VPS35: variants seen among roughly 807,000 people sequenced by gnomAD.
VPS35 encodes vacuolar protein sorting-associated protein 35.
VPS35 carries 21 observed loss-of-function variants against 98.1 expected under a neutral mutation model. The observed-to-expected ratio is 0.21, with a 90% CI of 0.15 to 0.31. The LOEUF is 0.31. Among genes scored for constraint, VPS35 ranks in the 10% least tolerant of loss-of-function variants. VPS35 has a pLI of 1.00. For missense variants in VPS35, 554 were observed against 950.8 expected (o/e 0.58, Z 5.49); for synonymous variants, 268 against 318.2 (o/e 0.84, Z 1.68).
In VPS35 at chr16:46,661,218, G is replaced by A. The variant is rs529618823; in HGVS notation, c.2211+500C>T. Among the ~76,000 whole-genome samples the A allele has an allele frequency of 1.1e-4, 17 of 152,188 alleles. No individual in the cohort carries two copies. The highest frequency in any genetic ancestry group is 4.1e-4 in the South Asian group (2 of 4,826). On this transcript the variant is annotated intron_variant, in intron 16 of 16. Coordinates refer to ENST00000299138, the MANE Select transcript of VPS35 (RefSeq NM_018206.6). This position sits in a 1 kb window ranked among gnomAD's most constrained non-coding sequence, Gnocchi z 4.3. The stretch of plus-strand genomic sequence containing the variant: ...AACTGTATTGCTAAAAGGATACTGC[G>A]TTTAGGAATTATTATTATTATTATT...
intron 1 of VPS35, chr16:46,688,654 G>A (rs932091428): frequency 9.8e-7 from 1 of 1,024,682 alleles, no homozygotes; most frequent in Non-Finnish European, 1.2e-6. Flanking sequence ...GAATCACTGC[G>A]ACCCCTCCAG....
At chr16:46,672,547 G>C in intron 10 of VPS35, 75 bp from the exon 11 acceptor site, 1 of 1,378,504 alleles carries the variant, frequency 7.3e-7, no homozygotes, top group Non-Finnish European at 1.0e-6. Flanking sequence ...TGTTCCATAA[G>C]AATTTGAAAT....
chr16:46,675,413 TTCATTA>T (rs1471782924), intron 8 of VPS35, among the ~76,000 whole-genome samples: 1 of 152,192 alleles, frequency 6.6e-6, no homozygotes, highest in Non-Finnish European at 1.5e-5. Flanking sequence ...AATAGTATGT[TTCATTA>T]TCATTATCTG....
At chr16:46,666,075 T>C (rs1387727626) in intron 13 of VPS35, among the ~76,000 whole-genome samples, 1 of 150,002 alleles carries the variant, frequency 6.7e-6, no homozygotes, top group Non-Finnish European at 1.5e-5. Flanking sequence ...GGCTAATTTT[T>C]GTATTTTTAG....
At chr16:46,680,171 G>C (rs920135897) in intron 5 of VPS35, among the ~76,000 whole-genome samples, 3 of 152,164 alleles carry the variant, frequency 2.0e-5, no homozygotes, top group African/African-American at 7.2e-5. Flanking sequence ...TAACACAAGA[G>C]ACAGGAGTGT....
At chr16:46,666,262 T>C (rs1183426304) in intron 13 of VPS35, among the ~76,000 whole-genome samples, 1 of 151,010 alleles carries the variant, frequency 6.6e-6, no homozygotes, top group Non-Finnish European at 1.5e-5. Flanking sequence ...CCTGGCTAAT[T>C]TTTTAATTTT....
chr16:46,682,946 C>T (rs1466553147), intron 2 of VPS35: 1 of 157,412 alleles, frequency 6.4e-6, no homozygotes, highest in Admixed American at 6.1e-5. Flanking sequence ...AAAGTATCTA[C>T]ACAGATTATC....
At position 46,662,842 on chromosome 16, in the gene VPS35, C is replaced by CA. The variant is rs529936815; in HGVS notation, c.1827+140dup. ...CAGTCAATTACAACAATAATATTAA[C>CA]AGGTTCCATGATGGTGGGAAGGTGG... On this transcript the variant is annotated intron_variant, in intron 14 of 16. Coordinates refer to ENST00000299138, the MANE Select transcript of VPS35 (RefSeq NM_018206.6). 160 of 913,226 alleles carry CA rather than the reference C, an allele frequency of 1.8e-4. 1 individual carries two copies. In the East Asian group the frequency reaches 3.3e-3, roughly 19 times the overall value. 56.6% of individuals were successfully genotyped at this position (913,226 alleles called of 1,614,324 possible). A position where few individuals can be genotyped will look rare whatever the true frequency, so the allele number is the denominator to read the frequency against.
intron 12 of VPS35, 32 bp from the exon 13 acceptor site, chr16:46,669,084 T>C (rs746647920): frequency 1.2e-6 from 2 of 1,613,766 alleles, no homozygotes; most frequent in Non-Finnish European, 1.7e-6. Context: ...AAAAAAAATT[T>C]CCAAACTCTG....
At chr16:46,674,139 T>TA (rs1012026273) in intron 10 of VPS35, among the ~76,000 whole-genome samples, 175 bp downstream of exon 10, 3 of 152,000 alleles carry the variant, frequency 2.0e-5, no homozygotes, top group African/African-American at 4.8e-5. Flanking sequence ...TTCCTTAATA[T>TA]AAAAAAACAA....
chr16:46,669,080 A>C (rs1596714797), intron 12 of VPS35, 28 bp from the exon 13 acceptor site: 1 of 1,613,914 alleles, frequency 6.2e-7, no homozygotes, highest in South Asian at 1.1e-5. Context: ...AAGAAAAAAA[A>C]ATTTCCAAAC....
chr16:46,669,409 T>TAATCCCAGCACTTTGGGAGG (rs1374878948), intron 12 of VPS35, among the ~76,000 whole-genome samples: 2 of 152,206 alleles, frequency 1.3e-5, no homozygotes, highest in African/African-American at 4.8e-5. Flanking sequence ...CTCATGTCTG[T>TAATCCCAGCACTTTGGGAGG]AATCCCAGCA....
chr16:46,682,336 C>A, intron 2 of VPS35, 161 bp from the exon 3 acceptor site: 1 of 625,988 alleles, frequency 1.6e-6, no homozygotes, highest in Non-Finnish European at 2.9e-6. Context: ...GATCGGTTCA[C>A]CTTGCCGTCT....
chr16:46,671,453 TAA>T (rs1966067334), intron 12 of VPS35, among the ~76,000 whole-genome samples: 1 of 151,852 alleles, frequency 6.6e-6, no homozygotes, highest in Non-Finnish European at 1.5e-5. Context: ...ATATATAAAG[TAA>T]AAGCCCATGG....
intron 1 of VPS35, among the ~76,000 whole-genome samples, chr16:46,687,387 A>G (rs1966333127): frequency 6.6e-6 from 1 of 152,186 alleles, no homozygotes; most frequent in Non-Finnish European, 1.5e-5. Context: ...ACATATCCCC[A>G]AGAATCCTCT....
Position 46,662,551 on chromosome 16 carries a change from C to T in VPS35, c.1828-69G>A. On this transcript the variant is annotated intron_variant, in intron 14 of 16. Coordinates refer to ENST00000299138, the MANE Select transcript of VPS35 (RefSeq NM_018206.6). ...CTCTAGTTGAGCATTTTCCAAAGTA[C>T]TTGTCACCAAACCTCCATCCTGTGA... 1.9e-5 allele frequency: 31 copies of T among 1,601,264 alleles called. No individual in the cohort carries two copies. In the South Asian group the frequency reaches 2.3e-4, roughly 12 times the overall value.
chr16:46,681,979 T>A lies in VPS35; in HGVS notation c.199+100A>T, dbSNP rs1486145478. ...GCCATGTGACTCAGATAACGAAGAATAAGATAACTCCAGAAAAACTTCATA... is the reference window on the plus strand; with the variant it reads ...GCCATGTGACTCAGATAACGAAGAAAAAGATAACTCCAGAAAAACTTCATA... On this transcript the variant is annotated intron_variant, in intron 3 of 16. Coordinates refer to ENST00000299138, the MANE Select transcript of VPS35 (RefSeq NM_018206.6). 1.0e-5 allele frequency: 9 copies of A among 878,008 alleles called. No homozygotes were observed. In the East Asian group the frequency reaches 2.3e-4, roughly 22 times the overall value. 54.4% of individuals were successfully genotyped at this position (878,008 alleles called of 1,614,324 possible).
chr16:46,665,563 C>G (rs1965975403), intron 13 of VPS35, among the ~76,000 whole-genome samples: 1 of 147,826 alleles, frequency 6.8e-6, no homozygotes, highest in Non-Finnish European at 1.5e-5. Flanking sequence ...CCACTGTATC[C>G]CAGTCTGGGC....
intron 6 of VPS35, among the ~76,000 whole-genome samples, chr16:46,678,305 TAA>T (rs58288436): frequency 3.4e-4 from 40 of 119,346 alleles, no homozygotes; most frequent in African/African-American, 1.2e-3. Context: ...TGATGAGCTT[TAA>T]AAAAAAAAAA....
Sources: allele counts gnomAD v4.1 joint callset (sites outside exome capture counted in the v4.1 genomes callset), GRCh38; gene constraint gnomAD v4.1.1; non-coding constraint Gnocchi (gnomAD v3.1); transcripts MANE v1.5; gene names NCBI Gene and HGNC (gene_info 2026-07-23, HGNC 2026-07-21).